The following CORO2B variants were observed in gnomAD, a reference collection of about 807,000 sequenced individuals.
CORO2B encodes coronin 2B, also known as coronin-2B.
CORO2B carries 26 observed loss-of-function variants against 58.8 expected under a neutral mutation model. The observed-to-expected ratio is 0.44, with a 90% CI of 0.32 to 0.61. CORO2B has a LOEUF of 0.61. Among genes scored for constraint, CORO2B ranks in the 20% least tolerant of loss-of-function variants. The probability of loss-of-function intolerance (pLI) is 0.04; values close to 1 mark genes in which losing one functional copy is unlikely to be tolerated. For missense variants in CORO2B, 460 were observed against 645.1 expected (o/e 0.71, Z 3.11); for synonymous variants, 242 against 253.8 (o/e 0.95, Z 0.44).
At chr15:68,531,142 T>G in the CORO2B span, among the ~76,000 whole-genome samples, 1 of 152,172 alleles carries the variant, frequency 6.6e-6, no homozygotes, top group East Asian at 1.9e-4. Flanking sequence ...CACCCATCCT[T>G]TATGCTATTA....
At chr15:68,697,711 G>A (rs1892547209) in intron 3 of CORO2B, among the ~76,000 whole-genome samples, 1 of 152,234 alleles carries the variant, frequency 6.6e-6, no homozygotes, top group South Asian at 2.1e-4. Flanking sequence ...GACATAGGCA[G>A]GCCAGGGCTG....
intron 3 of CORO2B, among the ~76,000 whole-genome samples, chr15:68,701,503 T>TTTTTTTTTTTTTTTA (rs1567013965): frequency 8.6e-6 from 1 of 116,728 alleles, no homozygotes; most frequent in Non-Finnish European, 1.7e-5. Context: ...TTTTTTTTTT[T>TTTTTTTTTTTTTTTA]GAGACGGAGT....
chr15:68,576,804 T>C (rs539649471), upstream of CORO2B, among the ~76,000 whole-genome samples: 135 of 152,246 alleles, frequency 8.9e-4, no homozygotes, highest in Admixed American at 2.5e-3. Flanking sequence ...GTTAAAGGTA[T>C]ATTTTGCTTG....
At chr15:68,533,589 G>A in the CORO2B span, among the ~76,000 whole-genome samples, 1 of 152,194 alleles carries the variant, frequency 6.6e-6, no homozygotes, top group Non-Finnish European at 1.5e-5. Context: ...CTACTCCTTT[G>A]TGGTAAAAAG....
intron 1 of CORO2B, among the ~76,000 whole-genome samples, chr15:68,643,604 G>T (rs1206801836): frequency 6.6e-6 from 1 of 152,204 alleles, no homozygotes; most frequent in Non-Finnish European, 1.5e-5. Context: ...CAGTGGAGAG[G>T]CAGGGGTTGG....
intron 11 of CORO2B, among the ~76,000 whole-genome samples, chr15:68,723,116 C>CTTT (rs767517372): frequency 4.4e-5 from 4 of 91,466 alleles, no homozygotes; most frequent in African/African-American, 1.3e-4. Flanking sequence ...TACATACATT[C>CTTT]TTTTTTTTTT....
chr15:68,582,908 G>A (rs1241832577), intron 1 of CORO2B, among the ~76,000 whole-genome samples: 3 of 152,190 alleles, frequency 2.0e-5, no homozygotes, highest in Admixed American at 6.5e-5. Flanking sequence ...TGGCTCAGGG[G>A]GGTCAGCGGT....
chr15:68,578,003 T>G (rs1385897435), upstream of CORO2B, among the ~76,000 whole-genome samples: 1 of 152,122 alleles, frequency 6.6e-6, no homozygotes, highest in Non-Finnish European at 1.5e-5. The surrounding 1 kb of genome is among the most constrained non-coding windows in gnomAD (Gnocchi z 4.2). Context: ...TGCTTCCACC[T>G]CTGCTAACTC....
chr15:68,591,265 T>C (rs1403366366), intron 1 of CORO2B, among the ~76,000 whole-genome samples: 1 of 152,128 alleles, frequency 6.6e-6, no homozygotes, highest in Non-Finnish European at 1.5e-5. Context: ...TCTTCCAGCA[T>C]GAGTAGGCAG....
At chr15:68,562,159 G>T in the CORO2B span, among the ~76,000 whole-genome samples, 1 of 152,202 alleles carries the variant, frequency 6.6e-6, no homozygotes, top group Non-Finnish European at 1.5e-5. Context: ...GAAGAAGTGG[G>T]CTGGTGAGTC....
Position 68,710,996 on chromosome 15 carries a change from C to A in CORO2B, c.483+115C>A. ...AGCAACCAATATGGCCTCATCTGTT[C>A]ATTTGCTTATTCATTCATTCATTCA... On this transcript the variant is annotated intron_variant, in intron 4 of 11. Coordinates refer to ENST00000261861, the MANE Select transcript of CORO2B (RefSeq NM_006091.5). The surrounding 1 kb of genome is among the most constrained non-coding windows in gnomAD (Gnocchi z 4.1). 8.6e-7 allele frequency: 1 copy of A among 1,163,834 alleles called. No homozygotes were observed. The highest frequency in any genetic ancestry group is 1.2e-6 in the Non-Finnish European group (1 of 856,692). The allele number at this position is 1,163,834 out of a possible 1,614,324, so 72.1% of individuals were successfully genotyped here.
intron 1 of CORO2B, among the ~76,000 whole-genome samples, chr15:68,627,680 A>G (rs963538845): frequency 2.0e-5 from 3 of 152,116 alleles, no homozygotes; most frequent in Non-Finnish European, 4.4e-5. Flanking sequence ...TGTAAGCAGG[A>G]AATGGCTTCT....
chr15:68,596,765 G>A lies in CORO2B; in HGVS notation c.15+17488G>A, dbSNP rs1320179856. Among the ~76,000 whole-genome samples, 3 of 152,178 alleles carry A rather than the reference G, an allele frequency of 2.0e-5. No homozygotes were observed. The East Asian group carries it at 5.8e-4, about 29-fold the overall frequency. On this transcript the variant is annotated intron_variant, in intron 1 of 11. Transcript: ENST00000261861. ...GGAGGAGAGGGGTACAACACAGCAG[G>A]CAGAGTCTTCCCGGAGCTCCTGGGA...
chr15:68,711,799 C>T, intron 5 of CORO2B, 93 bp downstream of exon 5: 2 of 1,470,996 alleles, frequency 1.4e-6, no homozygotes, highest in East Asian at 2.3e-5. Context: ...CTGTGCCAGC[C>T]CCCTTCTCCA....
At chr15:68,643,439 A>T (rs1901321714) in intron 1 of CORO2B, among the ~76,000 whole-genome samples, 1 of 152,186 alleles carries the variant, frequency 6.6e-6, no homozygotes. Context: ...CTCCAGCATG[A>T]CTTTATCCAG....
intron 3 of CORO2B, among the ~76,000 whole-genome samples, chr15:68,703,690 T>G (rs1290895746): frequency 6.6e-6 from 1 of 151,984 alleles, no homozygotes; most frequent in African/African-American, 2.4e-5. Flanking sequence ...TTCTGCCCCT[T>G]AGGAACAGTG....
chr15:68,632,399 G>A (rs1900866674), intron 1 of CORO2B: 9 of 985,334 alleles, frequency 9.1e-6, no homozygotes, highest in Middle Eastern at 5.2e-4. Flanking sequence ...GATGGAGTCA[G>A]CCAGACAGGA....
At chr15:68,718,951 C>A in intron 9 of CORO2B, 141 bp downstream of exon 9, 2 of 856,360 alleles carry the variant, frequency 2.3e-6, no homozygotes, top group South Asian at 3.1e-5. Context: ...GGGTGAGGGG[C>A]ATTCTCAGAT....
Position 68,668,627 on chromosome 15 carries a change from C to G in CORO2B, c.216+23267C>G, listed in dbSNP as rs988859226. On this transcript the variant is annotated intron_variant, in intron 2 of 11. Transcript: ENST00000261861. ...GGGCGGGGAGCCCCAGGGTGGGAAG[C>G]CAATGGTAGTCAGGGGCTGGGCTAC... 3.3e-5 allele frequency among the ~76,000 whole-genome samples: 5 copies of G among 152,128 alleles called. 1 individual carries two copies. Among genetic ancestry groups the G allele is most frequent in the Admixed American group, 3.3e-4 (5 of 15,272 alleles).
Sources: gnomAD v4.1 joint callset for allele counts (sites outside exome capture counted in the v4.1 genomes callset) on GRCh38, gnomAD v4.1.1 for gene constraint, Gnocchi (gnomAD v3.1) non-coding constraint, MANE v1.5 for transcripts, NCBI Gene and HGNC (gene_info 2026-07-23, HGNC 2026-07-21) for gene names.